The following CREBBP variants were observed in gnomAD, a reference collection of about 807,000 sequenced individuals.
CREBBP encodes the protein CREB-binding protein.
In CREBBP, 19 loss-of-function variants were observed where a neutral mutation model predicts 265.0. The observed-to-expected ratio is 0.07, with a 90% CI of 0.05 to 0.11. The LOEUF is 0.11. Ranked by LOEUF, CREBBP falls within the 10% of genes least tolerant of loss-of-function variation. The pLI is 1.00. For missense variants in CREBBP, 2,525 were observed against 3,219.0 expected (o/e 0.78, Z 5.22); for synonymous variants, 1,457 against 1,223.7 (o/e 1.19, Z -3.98).
chr16:3,803,367 C>CG (rs1268978780), intron 3 of CREBBP, among the ~76,000 whole-genome samples: 4 of 142,672 alleles, frequency 2.8e-5, no homozygotes, highest in Non-Finnish European at 6.1e-5. Flanking sequence ...TAGCCAGGTG[C>CG]GGTGGCGGGC....
intron 23 of CREBBP, chr16:3,741,061 C>A: frequency 4.7e-6 from 1 of 212,732 alleles, no homozygotes; most frequent in South Asian, 7.9e-5. Context: ...TATTGGTGTC[C>A]AAGCCTGCCC....
rs377390837 is a variant in CREBBP, at chr16:3,781,494, G to A, written c.1574-188C>T. On this transcript the variant is annotated intron_variant, in intron 6 of 30. Coordinates refer to ENST00000262367, the MANE Select transcript of CREBBP (RefSeq NM_004380.3). The stretch of plus-strand genomic sequence containing the variant: ...CATATTTTCAATAATGGTAATCAAC[G>A]TGCACAAATAATCAGTAGACACCCT... 4.1e-4 allele frequency among the ~76,000 whole-genome samples: 63 copies of A among 152,218 alleles called. 1 individual carries two copies. The South Asian group carries it at 0.013, about 31-fold the overall frequency.
chr16:3,855,376 T>C (rs2054938199), intron 1 of CREBBP, among the ~76,000 whole-genome samples: 1 of 152,238 alleles, frequency 6.6e-6, no homozygotes, highest in South Asian at 2.1e-4. Flanking sequence ...CAAGCAATTC[T>C]CCAACCTCAG....
At chr16:3,738,800 C>T (rs552658422) in intron 25 of CREBBP, 128 bp from the exon 26 acceptor site, 6 of 703,212 alleles carry the variant, frequency 8.5e-6, no homozygotes, top group East Asian at 2.7e-5. Context: ...GGCTGCAATG[C>T]GGTGACGCGG....
chr16:3,842,353 C>T (rs544143265), intron 2 of CREBBP, among the ~76,000 whole-genome samples: 3 of 152,256 alleles, frequency 2.0e-5, no homozygotes, highest in East Asian at 3.9e-4. Flanking sequence ...TCTCAACACC[C>T]GTAGCCAGGA....
At chr16:3,837,481 C>A (rs1045422632) in intron 2 of CREBBP, among the ~76,000 whole-genome samples, 1 of 151,566 alleles carries the variant, frequency 6.6e-6, no homozygotes, top group Non-Finnish European at 1.5e-5. Flanking sequence ...GTGGGCGTGG[C>A]GGCATGCACC....
At position 3,852,320 on chromosome 16, in the gene CREBBP, C is replaced by G. The variant is rs1013440902; in HGVS notation, c.86-1311G>C. On this transcript the variant is annotated intron_variant, in intron 1 of 30. Coordinates refer to ENST00000262367, the MANE Select transcript of CREBBP (RefSeq NM_004380.3). ...AGTAGCTGGGATTATAGGCGCCCAC[C>G]ACCATGCCCGGCTAATTTTTTGTAT... Among the ~76,000 whole-genome samples the G allele has an allele frequency of 2.0e-5, 3 of 151,224 alleles. No individual in the cohort carries two copies. The East Asian group carries it at 6.0e-4, about 30-fold the overall frequency.
chr16:3,856,396 C>CT (rs1483666183), intron 1 of CREBBP, among the ~76,000 whole-genome samples: 3 of 152,220 alleles, frequency 2.0e-5, no homozygotes, highest in Non-Finnish European at 4.4e-5. Context: ...CTCAATGCAG[C>CT]TTCCGCCCTG....
At chr16:3,735,398 G>A (rs1347414363) in intron 28 of CREBBP, among the ~76,000 whole-genome samples, 1 of 152,142 alleles carries the variant, frequency 6.6e-6, no homozygotes, top group African/African-American at 2.4e-5. Context: ...CCGGGTTCAA[G>A]CGATTCTCCT....
At chr16:3,833,543 T>C (rs2054384410) in intron 2 of CREBBP, among the ~76,000 whole-genome samples, 1 of 152,202 alleles carries the variant, frequency 6.6e-6, no homozygotes. Context: ...TCAGACAACA[T>C]GTCCCAGAAA....
At chr16:3,754,267 GAA>G (rs1421859038) in intron 19 of CREBBP, among the ~76,000 whole-genome samples, 2 of 152,220 alleles carry the variant, frequency 1.3e-5, no homozygotes, top group African/African-American at 2.4e-5. Flanking sequence ...ACAGCACACA[GAA>G]AAGGGAACAG....
At chr16:3,819,007 T>C (rs2054092370) in intron 2 of CREBBP, among the ~76,000 whole-genome samples, 1 of 152,248 alleles carries the variant, frequency 6.6e-6, no homozygotes, top group Non-Finnish European at 1.5e-5. Context: ...AACGCAACTC[T>C]GTCTCCTTCA....
chr16:3,802,246 C>G (rs2053731987), intron 3 of CREBBP, among the ~76,000 whole-genome samples: 1 of 146,608 alleles, frequency 6.8e-6, no homozygotes, highest in Non-Finnish European at 1.5e-5. Context: ...ATTCTCCTGT[C>G]TCACCCTCCC....
At chr16:3,734,102 A>T (rs1482592098) in intron 28 of CREBBP, among the ~76,000 whole-genome samples, 4 of 152,294 alleles carry the variant, frequency 2.6e-5, no homozygotes, top group African/African-American at 9.6e-5. Flanking sequence ...TGTTTGCGAC[A>T]TTCCTCACGA....
chr16:3,820,828 C>T (rs1252376793), intron 2 of CREBBP, among the ~76,000 whole-genome samples: 4 of 151,836 alleles, frequency 2.6e-5, no homozygotes, highest in African/African-American at 7.3e-5. Context: ...CCACTGTGTA[C>T]ACACACACAC....
chr16:3,875,819 C>T (rs2055388434), intron 1 of CREBBP, among the ~76,000 whole-genome samples: 1 of 152,136 alleles, frequency 6.6e-6, no homozygotes, highest in South Asian at 2.1e-4. Context: ...AAGGATCAAA[C>T]TGAGGTGACG....
At chr16:3,817,710 A>G (rs1231057830) in intron 2 of CREBBP, among the ~76,000 whole-genome samples, 1 of 152,242 alleles carries the variant, frequency 6.6e-6, no homozygotes, top group East Asian at 1.9e-4. Context: ...TAGCAAGCCA[A>G]GCATCCATTT....
At chr16:3,819,631 T>C (rs748523677) in intron 2 of CREBBP, among the ~76,000 whole-genome samples, 9 of 152,228 alleles carry the variant, frequency 5.9e-5, no homozygotes, top group Non-Finnish European at 1.0e-4. Context: ...GCATTTGCTA[T>C]TTGTAGAAAT....
At chr16:3,821,466 C>G (rs934179496) in intron 2 of CREBBP, among the ~76,000 whole-genome samples, 1 of 152,190 alleles carries the variant, frequency 6.6e-6, no homozygotes, top group Non-Finnish European at 1.5e-5. Context: ...TCCATAGCCC[C>G]GCACCCTGGA....
Sources: allele counts gnomAD v4.1 joint callset (sites outside exome capture counted in the v4.1 genomes callset), GRCh38; gene constraint gnomAD v4.1.1; transcripts MANE v1.5; gene names NCBI Gene and HGNC (gene_info 2026-07-23, HGNC 2026-07-21).